The following WWOX variants were observed in gnomAD, a reference collection of about 807,000 sequenced individuals.
The protein encoded by WWOX is WW domain containing oxidoreductase.
In WWOX, 69 loss-of-function variants were observed where a neutral mutation model predicts 46.2. That is an observed-to-expected ratio of 1.49 (90% CI 1.23 to 1.82). The LOEUF (loss-of-function observed/expected upper bound fraction) is 1.82, where lower values mean the gene tolerates loss of function less well. WWOX is among the 40% of genes most tolerant of loss of function. The pLI, the probability that WWOX is intolerant of heterozygous loss-of-function variation, is 0.00. For synonymous variants in WWOX, 359 were observed against 202.6 expected (o/e 1.77, Z -6.56); for missense variants, 919 against 542.6 (o/e 1.69, Z -6.89).
At chr16:78,701,878 G>A (rs1307513450) in intron 8 of WWOX, among the ~76,000 whole-genome samples, 1 of 151,252 alleles carries the variant, frequency 6.6e-6, no homozygotes, top group Non-Finnish European at 1.5e-5. Context: ...GAAGGGAAAA[G>A]GCCCCAGTAA....
intron 8 of WWOX, among the ~76,000 whole-genome samples, chr16:78,592,473 C>T (rs540261457): frequency 7.9e-5 from 12 of 152,278 alleles, no homozygotes; most frequent in African/African-American, 2.6e-4. Flanking sequence ...TTCCATAGGA[C>T]GCAGAGTTAT....
At chr16:78,868,206 C>T (rs900510545) in intron 8 of WWOX, among the ~76,000 whole-genome samples, 7 of 152,150 alleles carry the variant, frequency 4.6e-5, no homozygotes, top group African/African-American at 1.7e-4. Flanking sequence ...TGAAAAGGAA[C>T]TAACTCTGGA....
chr16:79,091,775 C>CTTTTTTTTTTTTTTTTTT (rs771753213), intron 8 of WWOX, among the ~76,000 whole-genome samples: 2 of 126,854 alleles, frequency 1.6e-5, no homozygotes. Flanking sequence ...CTTTTCTTTT[C>CTTTTTTTTTTTTTTTTTT]TTTGTTTTTT....
chr16:78,971,631 C>G (rs1276967957), intron 8 of WWOX, among the ~76,000 whole-genome samples: 2 of 151,926 alleles, frequency 1.3e-5, no homozygotes, highest in South Asian at 2.1e-4. Context: ...TGGACCAAAT[C>G]TATTGTTACA....
At chr16:78,171,799 A>G (rs981493977) in intron 5 of WWOX, among the ~76,000 whole-genome samples, 1 of 152,190 alleles carries the variant, frequency 6.6e-6, no homozygotes, top group Admixed American at 6.5e-5. Flanking sequence ...AGCAAGAACT[A>G]TATAAGCCAC....
At chr16:78,170,591 T>C (rs1009982623) in intron 5 of WWOX, among the ~76,000 whole-genome samples, 2 of 152,272 alleles carry the variant, frequency 1.3e-5, no homozygotes, top group Admixed American at 1.3e-4. Context: ...TGTCTTCATA[T>C]GTCTGGACTC....
intron 8 of WWOX, among the ~76,000 whole-genome samples, chr16:78,687,980 A>C (rs1180609730): frequency 6.6e-6 from 1 of 152,132 alleles, no homozygotes; most frequent in Admixed American, 6.5e-5. Flanking sequence ...GTACAAATGA[A>C]CTTGCTACTT....
chr16:78,327,548 C>G (rs1048054710), intron 5 of WWOX, among the ~76,000 whole-genome samples: 1 of 152,186 alleles, frequency 6.6e-6, no homozygotes, highest in Non-Finnish European at 1.5e-5. Context: ...CACAGCCCAT[C>G]TCCTCCAATC....
intron 5 of WWOX, among the ~76,000 whole-genome samples, chr16:78,368,779 G>C (rs995235838): frequency 6.6e-6 from 1 of 152,088 alleles, no homozygotes; most frequent in Non-Finnish European, 1.5e-5. Context: ...TACCCATCGC[G>C]ATTCATTTGT....
chr16:78,671,230 C>T (rs1416867265), intron 8 of WWOX, among the ~76,000 whole-genome samples: 1 of 152,068 alleles, frequency 6.6e-6, no homozygotes, highest in Non-Finnish European at 1.5e-5. Flanking sequence ...CGAGACCAGC[C>T]TGGGCAACAA....
chr16:78,348,415 A>C (rs1259569945), intron 5 of WWOX, among the ~76,000 whole-genome samples: 1 of 121,084 alleles, frequency 8.3e-6, no homozygotes, highest in East Asian at 1.9e-4. Context: ...TAGGAGAAAA[A>C]AGATCATAGA....
chr16:78,369,845 C>T (rs945446248), intron 5 of WWOX, among the ~76,000 whole-genome samples: 1 of 151,918 alleles, frequency 6.6e-6, no homozygotes, highest in Non-Finnish European at 1.5e-5. Context: ...GTAATGGAAA[C>T]CATAAGGGCA....
chr16:78,922,413 C>G (rs1366247796), intron 8 of WWOX, among the ~76,000 whole-genome samples: 2 of 145,768 alleles, frequency 1.4e-5, no homozygotes, highest in Admixed American at 7.0e-5. Context: ...GTCTCTCATT[C>G]TGTCGCTCAG....
intron 5 of WWOX, among the ~76,000 whole-genome samples, chr16:78,184,554 C>G (rs1191226991): frequency 6.7e-6 from 1 of 149,346 alleles, no homozygotes; most frequent in East Asian, 2.0e-4. Context: ...TCACCGAGAT[C>G]TATTTTTTCC....
At chr16:78,945,657 G>A (rs1037700500) in intron 8 of WWOX, among the ~76,000 whole-genome samples, 1 of 151,524 alleles carries the variant, frequency 6.6e-6, no homozygotes, top group African/African-American at 2.4e-5. Flanking sequence ...TTTTTTTTAA[G>A]TTGGCATCTT....
At chr16:78,579,246 T>C (rs2044984903) in intron 8 of WWOX, among the ~76,000 whole-genome samples, 3 of 152,174 alleles carry the variant, frequency 2.0e-5, no homozygotes, top group African/African-American at 7.2e-5. Flanking sequence ...TGTTATTACG[T>C]CACAGTTTCG....
At chr16:78,188,992 C>A (rs544709757) in intron 5 of WWOX, among the ~76,000 whole-genome samples, 3 of 152,184 alleles carry the variant, frequency 2.0e-5, no homozygotes, top group South Asian at 4.2e-4. Flanking sequence ...GGGAAGGGGG[C>A]AGGAAGGTAA....
chr16:78,853,373 C>T (rs954844715), intron 8 of WWOX, among the ~76,000 whole-genome samples: 11 of 152,044 alleles, frequency 7.2e-5, no homozygotes, highest in South Asian at 6.2e-4. Context: ...CCACGAAGCC[C>T]GACTGATTTT....
chr16:78,931,014 A>G (rs1392419761), intron 8 of WWOX, among the ~76,000 whole-genome samples: 2 of 152,208 alleles, frequency 1.3e-5, no homozygotes, highest in South Asian at 2.1e-4. Flanking sequence ...AGCAATATCT[A>G]TCTCCTACAC....
Sources: allele counts gnomAD v4.1 joint callset (sites outside exome capture counted in the v4.1 genomes callset), GRCh38; gene constraint gnomAD v4.1.1; transcripts MANE v1.5; gene names NCBI Gene and HGNC (gene_info 2026-07-23, HGNC 2026-07-21).